Variants in NLGN1 observed in about 807,000 individuals in gnomAD.
NLGN1 encodes neuroligin 1.
Under a neutral mutation model 65.5 loss-of-function variants are expected in NLGN1, and 12 were observed. The ratio of observed to expected loss-of-function variants is 0.18; its 90% CI spans 0.12 to 0.30. The LOEUF (loss-of-function observed/expected upper bound fraction) is 0.30. Among genes scored for constraint, NLGN1 ranks in the 10% least tolerant of loss-of-function variants. NLGN1 has a pLI of 1.00. For synonymous variants in NLGN1, 350 were observed against 359.5 expected (o/e 0.97, Z 0.30); for missense variants, 750 against 1,007.1 (o/e 0.74, Z 3.46).
intron 4 of NLGN1, among the ~76,000 whole-genome samples, chr3:174,038,381 T>C (rs1310341816): frequency 6.6e-6 from 1 of 152,146 alleles, no homozygotes; most frequent in African/African-American, 2.4e-5. Flanking sequence ...GGCTCTCAGT[T>C]CATGCACCAG....
chr3:173,810,371 T>C (rs1258251442), intron 4 of NLGN1, among the ~76,000 whole-genome samples: 2 of 152,152 alleles, frequency 1.3e-5, no homozygotes, highest in Non-Finnish European at 2.9e-5. Flanking sequence ...AGACTATGGC[T>C]GTCTAATTTG....
intron 4 of NLGN1, among the ~76,000 whole-genome samples, chr3:173,979,632 A>G (rs552809024): frequency 5.3e-5 from 8 of 152,306 alleles, no homozygotes; most frequent in South Asian, 2.1e-4. Context: ...ATGATCTGGT[A>G]TAACATTAAT....
chr3:173,881,419 CTTTT>C (rs71162368), intron 4 of NLGN1, among the ~76,000 whole-genome samples: 4 of 80,574 alleles, frequency 5.0e-5, no homozygotes, highest in Admixed American at 1.7e-4. Context: ...TGCTCCACTC[CTTTT>C]TTTTTTTTTT....
intron 3 of NLGN1, among the ~76,000 whole-genome samples, chr3:173,729,755 T>C (rs1772458773): frequency 6.6e-6 from 1 of 152,080 alleles, no homozygotes; most frequent in Non-Finnish European, 1.5e-5. Context: ...GGTGAATGCA[T>C]TGTCAAATGT....
intron 2 of NLGN1, among the ~76,000 whole-genome samples, chr3:173,528,205 C>A (rs897850333): frequency 5.3e-5 from 8 of 152,114 alleles, no homozygotes; most frequent in African/African-American, 1.9e-4. Flanking sequence ...ATTTCCCTTT[C>A]ATTTATGAAG....
At chr3:173,613,286 A>G (rs1752580367) in intron 3 of NLGN1, among the ~76,000 whole-genome samples, 1 of 152,112 alleles carries the variant, frequency 6.6e-6, no homozygotes, top group South Asian at 2.1e-4. Context: ...AAGTTGCCCA[A>G]GTTCACATGA....
intron 1 of NLGN1, among the ~76,000 whole-genome samples, chr3:173,415,970 A>G (rs1175855005): frequency 1.3e-5 from 2 of 149,828 alleles, no homozygotes; most frequent in Admixed American, 6.7e-5. Flanking sequence ...AACACACAAT[A>G]AGAGTGCATA....
chr3:173,954,720 A>G (rs1711559345), intron 4 of NLGN1, among the ~76,000 whole-genome samples: 1 of 152,184 alleles, frequency 6.6e-6, no homozygotes, highest in Non-Finnish European at 1.5e-5. Context: ...CACAGAGGAC[A>G]AACTGAAACC....
chr3:173,400,290 T>A (rs1359277309), intron 1 of NLGN1, among the ~76,000 whole-genome samples: 1 of 152,154 alleles, frequency 6.6e-6, no homozygotes, highest in Non-Finnish European at 1.5e-5. Flanking sequence ...TATGATCTTA[T>A]TAACATTGGC....
intron 4 of NLGN1, among the ~76,000 whole-genome samples, chr3:174,095,479 T>TTG (rs145452364): frequency 0.012 from 1,743 of 149,858 alleles, 30 homozygotes; most frequent in East Asian, 0.041. Context: ...GTGTGTATGC[T>TTG]TGTGTGTGTG....
chr3:173,487,753 A>G (rs1007679572), intron 2 of NLGN1, among the ~76,000 whole-genome samples: 1 of 152,066 alleles, frequency 6.6e-6, no homozygotes, highest in African/African-American at 2.4e-5. Context: ...TGTGAAATCA[A>G]TGCAACTATG....
At chr3:173,539,328 G>A (rs904734057) in intron 2 of NLGN1, among the ~76,000 whole-genome samples, 2 of 150,474 alleles carry the variant, frequency 1.3e-5, no homozygotes, top group Non-Finnish European at 3.0e-5. Flanking sequence ...ACCTCTTTAT[G>A]CAACTCACTT....
intron 2 of NLGN1, among the ~76,000 whole-genome samples, chr3:173,596,853 T>C (rs896447843): frequency 6.6e-6 from 1 of 152,204 alleles, no homozygotes; most frequent in Non-Finnish European, 1.5e-5. Context: ...ACTGCTTAAG[T>C]CTATGTTTAG....
chr3:173,747,057 TATACACACACACACACAC>T (rs1775508096), intron 3 of NLGN1, among the ~76,000 whole-genome samples: 1 of 81,752 alleles, frequency 1.2e-5, no homozygotes, highest in Non-Finnish European at 2.5e-5. Flanking sequence ...AAAAATTATA[TATACACACACACACACAC>T]ACACACACAC....
intron 4 of NLGN1, among the ~76,000 whole-genome samples, chr3:174,066,607 T>G (rs1404915345): frequency 6.7e-6 from 1 of 149,578 alleles, no homozygotes. Context: ...ATAATTTTGG[T>G]TGGTTTTAGG....
At chr3:174,018,771 G>A (rs1204691438) in intron 4 of NLGN1, among the ~76,000 whole-genome samples, 1 of 152,112 alleles carries the variant, frequency 6.6e-6, no homozygotes, top group Non-Finnish European at 1.5e-5. Flanking sequence ...ATGCAAGCCA[G>A]AAAGTTCAGG....
chr3:173,796,688 T>A (rs963208754), intron 3 of NLGN1, among the ~76,000 whole-genome samples: 1 of 152,258 alleles, frequency 6.6e-6, no homozygotes, highest in Non-Finnish European at 1.5e-5. Flanking sequence ...CTGGTTTTAG[T>A]GGTCTCATTT....
At chr3:174,261,837 T>G (rs1242376583) in intron 4 of NLGN1, among the ~76,000 whole-genome samples, 1 of 149,442 alleles carries the variant, frequency 6.7e-6, no homozygotes, top group Non-Finnish European at 1.5e-5. Context: ...AGATAGCTCT[T>G]ATTATTTTGA....
At chr3:173,698,286 T>A (rs759295997) in intron 3 of NLGN1, among the ~76,000 whole-genome samples, 8 of 152,214 alleles carry the variant, frequency 5.3e-5, no homozygotes, top group African/African-American at 9.6e-5. Context: ...AAGAAGGGCA[T>A]CACGTTGCAA....
Sources: allele counts gnomAD v4.1 joint callset (sites outside exome capture counted in the v4.1 genomes callset), GRCh38; gene constraint gnomAD v4.1.1; transcripts MANE v1.5; gene names NCBI Gene and HGNC (gene_info 2026-07-23, HGNC 2026-07-21).